ZNF75D: variants seen among roughly 807,000 people sequenced by gnomAD.
The protein encoded by ZNF75D is zinc finger protein 75D, also known as zinc finger protein 75.
Under a neutral mutation model 33.3 loss-of-function variants are expected in ZNF75D, and 33 were observed. That is an observed-to-expected ratio of 0.99 (90% CI 0.75 to 1.32). The LOEUF (loss-of-function observed/expected upper bound fraction) is 1.32. Among genes scored for constraint, ZNF75D ranks in the 40% most tolerant of loss-of-function variants. The pLI, the probability that ZNF75D is intolerant of heterozygous loss-of-function variation, is 0.00. For missense variants in ZNF75D, 338 were observed against 367.5 expected, an observed-to-expected ratio of 0.92 and a Z score of 0.66; for synonymous variants, 113 against 130.6, an observed-to-expected ratio of 0.87 and a Z score of 0.92.
chrX:135,341,414 G>A (rs1556444693), intron 1 of ZNF75D, among the ~76,000 whole-genome samples: 1 of 112,205 alleles, frequency 8.9e-6, no homozygotes, highest in Non-Finnish European at 1.9e-5. Context: ...TGTCACTGCA[G>A]TTCACCAGTC....
At chrX:135,301,515 G>C (rs2084218265) in intron 1 of ZNF75D, among the ~76,000 whole-genome samples, 1 of 112,304 alleles carries the variant, frequency 8.9e-6, no homozygotes, top group South Asian at 3.7e-4. Flanking sequence ...ATACCATGGG[G>C]ATATAGGCGT....
At chrX:135,290,776 A>C (rs376164725) in intron 6 of ZNF75D, among the ~76,000 whole-genome samples, 2 of 112,331 alleles carry the variant, frequency 1.8e-5, no homozygotes, top group African/African-American at 3.2e-5. Context: ...AAGATAAAAA[A>C]AGTAAAATCT....
intron 1 of ZNF75D, among the ~76,000 whole-genome samples, chrX:135,313,836 T>G (rs189819465): frequency 8.9e-6 from 1 of 112,360 alleles, no homozygotes; most frequent in African/African-American, 3.2e-5. Context: ...CATATGTTGA[T>G]TTTGTATCCT....
intron 1 of ZNF75D, among the ~76,000 whole-genome samples, chrX:135,260,189 A>C (rs782088355): frequency 1.9e-4 from 21 of 112,180 alleles, no homozygotes; most frequent in Middle Eastern, 4.6e-3. Flanking sequence ...TGCTGGATTC[A>C]GTTTGCTAGT....
intron 1 of ZNF75D, among the ~76,000 whole-genome samples, chrX:135,278,753 G>A (rs2083909280): frequency 8.9e-6 from 1 of 112,126 alleles, no homozygotes; most frequent in African/African-American, 3.2e-5. Flanking sequence ...TAATCATGTG[G>A]TTTTTGTCAT....
intron 6 of ZNF75D, among the ~76,000 whole-genome samples, chrX:135,289,331 C>T (rs1372000503): frequency 8.9e-6 from 1 of 112,458 alleles, no homozygotes; most frequent in Admixed American, 9.4e-5. Context: ...AATTCACCTT[C>T]TCAGGCCAGG....
At chrX:135,258,496 G>C (rs148943786) in intron 1 of ZNF75D, among the ~76,000 whole-genome samples, 1 of 111,593 alleles carries the variant, frequency 9.0e-6, no homozygotes, top group Non-Finnish European at 1.9e-5. Flanking sequence ...TCTAACTGGT[G>C]TGAGATGGTA....
Position 135,302,085 on chromosome X carries a change from A to G in ZNF75D, c.-390-6046T>C, listed in dbSNP as rs189327698. Among the ~76,000 whole-genome samples, 273 of 112,352 alleles carry G rather than the reference A, an allele frequency of 2.4e-3. 1 individual carries two copies. The highest frequency in any genetic ancestry group is 8.0e-3 in the African/African-American group (247 of 30,962). The stretch of plus-strand genomic sequence containing the variant: ...CTCAAGCTATAACTTGGCCCATTTT[A>G]CCCGTGGCTGGAGCTGGAGTGGCTG... On this transcript the variant is annotated intron_variant, in intron 1 of 6. Coordinates refer to ENST00000370766, the MANE Select transcript of ZNF75D (RefSeq NM_007131.5).
chrX:135,291,475 G>A lies in ZNF75D; in HGVS notation c.693C>T (p.Ser231=), dbSNP rs1556421224. The part of the protein sequence containing the change: ...KMASKLILPE[S]LSLLTFEDVA... Reference sequence around the variant, plus strand: ...AAAGCCAGAAATAACAGCTCACCAGGGACTCAGGCAGGATGAGTTTAGATG... The same window carrying A: ...AAAGCCAGAAATAACAGCTCACCAGAGACTCAGGCAGGATGAGTTTAGATG... Residue 231 remains serine, a synonymous_variant, in exon 5 of 7, where the codon TCC becomes TCT. Coordinates refer to ENST00000370766, the MANE Select transcript of ZNF75D (RefSeq NM_007131.5). 1.7e-6 allele frequency: 2 copies of A among 1,210,028 alleles called. No individual in the cohort carries two copies. Among genetic ancestry groups the A allele is most frequent in the East Asian group, 5.9e-5 (2 of 33,780 alleles).
At position 135,310,576 on chromosome X, in the gene ZNF75D, C is replaced by T. The variant is rs148335102; in HGVS notation, c.-390-14537G>A. Among the ~76,000 whole-genome samples, 32 of 111,516 alleles carry T rather than the reference C, an allele frequency of 2.9e-4. No individual in the cohort carries two copies. In the East Asian group the frequency reaches 7.7e-3, roughly 27 times the overall value. On this transcript the variant is annotated intron_variant, in intron 1 of 6. Transcript: ENST00000370766. ...TCCAAGCATTTCTCTTGTCCTTTAACGTAAGCTGCAAAATAAGCCTGCAAG... is the reference window on the plus strand; with the variant it reads ...TCCAAGCATTTCTCTTGTCCTTTAATGTAAGCTGCAAAATAAGCCTGCAAG...
intron 1 of ZNF75D, among the ~76,000 whole-genome samples, chrX:135,276,696 T>C (rs1382161990): frequency 9.6e-6 from 1 of 104,355 alleles, no homozygotes; most frequent in African/African-American, 3.5e-5. Context: ...CCTATGTCCA[T>C]GTATTCTCAT....
chrX:135,314,780 C>A (rs890081550), intron 1 of ZNF75D, among the ~76,000 whole-genome samples: 1 of 111,913 alleles, frequency 8.9e-6, no homozygotes, highest in Non-Finnish European at 1.9e-5. Flanking sequence ...GTTCATAATA[C>A]TATGATGATC....
chrX:135,339,609 A>G (rs1253031010), intron 1 of ZNF75D, among the ~76,000 whole-genome samples: 1 of 111,809 alleles, frequency 8.9e-6, no homozygotes, highest in Non-Finnish European at 1.9e-5. Flanking sequence ...TTCTTTCCCA[A>G]GCCTCCCTCC....
chrX:135,266,187 G>A (rs1230222036), intron 1 of ZNF75D, among the ~76,000 whole-genome samples: 7 of 111,075 alleles, frequency 6.3e-5, no homozygotes, highest in African/African-American at 2.3e-4. Flanking sequence ...TTCACTAAGA[G>A]GAAGACAGGA....
At chrX:135,290,958 G>A (rs2084029225) in intron 6 of ZNF75D, 51 bp downstream of exon 6, 2 of 1,144,529 alleles carry the variant, frequency 1.7e-6, no homozygotes, top group Non-Finnish European at 2.4e-6. Flanking sequence ...CATAAACAGA[G>A]GACATAATAT....
downstream of ZNF75D, among the ~76,000 whole-genome samples, chrX:135,280,820 C>T (rs6638344): frequency 0.16 from 17,273 of 111,364 alleles, 1,322 homozygotes; most frequent in East Asian, 0.43. Context: ...TTGGCCCCCA[C>T]TCTCTTCTGG....
At chrX:135,332,623 T>G (rs149801487) in intron 1 of ZNF75D, among the ~76,000 whole-genome samples, 109 of 112,062 alleles carry the variant, frequency 9.7e-4, no homozygotes, top group African/African-American at 3.3e-3. Flanking sequence ...TTATGGTGTT[T>G]TGTTATAGCA....
At chrX:135,339,161 A>G (rs1556443708) in intron 1 of ZNF75D, among the ~76,000 whole-genome samples, 1 of 110,597 alleles carries the variant, frequency 9.0e-6, no homozygotes, top group African/African-American at 3.3e-5. Flanking sequence ...TTGGTCTTTG[A>G]GTGTTTGCCA....
chrX:135,319,239 C>G (rs1272168817), intron 1 of ZNF75D, among the ~76,000 whole-genome samples: 2 of 112,696 alleles, frequency 1.8e-5, no homozygotes, highest in East Asian at 5.6e-4. Context: ...TTCTCTTGAG[C>G]TACCCTTGTT....
Sources: allele counts gnomAD v4.1 joint callset (sites outside exome capture counted in the v4.1 genomes callset), GRCh38; gene constraint gnomAD v4.1.1; transcripts MANE v1.5; gene names NCBI Gene and HGNC (gene_info 2026-07-23, HGNC 2026-07-21).